The following EPHA4 variants were observed in gnomAD, a reference collection of about 807,000 sequenced individuals.
The protein encoded by EPHA4 is ephrin type-A receptor 4.
In EPHA4, 19 loss-of-function variants were observed where a neutral mutation model predicts 108.3. The observed-to-expected ratio is 0.18, with a 90% CI of 0.12 to 0.26. The LOEUF (loss-of-function observed/expected upper bound fraction) is 0.26. Ranked by LOEUF, EPHA4 falls within the 10% of genes least tolerant of loss-of-function variation. EPHA4 has a pLI of 1.00. For missense variants in EPHA4, 917 were observed against 1,254.0 expected (o/e 0.73, Z 4.06); for synonymous variants, 449 against 455.5 (o/e 0.99, Z 0.18).
intron 3 of EPHA4, among the ~76,000 whole-genome samples, chr2:221,533,852 C>T (rs16862806): frequency 0.11 from 16,222 of 151,376 alleles, 1,056 homozygotes; most frequent in East Asian, 0.15. Context: ...ACTGTCACTT[C>T]TGGATACCAT....
At chr2:221,519,073 A>G (rs891103040) in intron 3 of EPHA4, among the ~76,000 whole-genome samples, 1 of 152,230 alleles carries the variant, frequency 6.6e-6, no homozygotes, top group Non-Finnish European at 1.5e-5. Context: ...GAGCTCAGGC[A>G]GATAGGATAA....
intron 3 of EPHA4, among the ~76,000 whole-genome samples, 168 bp downstream of exon 3, chr2:221,563,563 C>T (rs540704892): frequency 6.6e-6 from 1 of 152,292 alleles, no homozygotes; most frequent in South Asian, 2.1e-4. Context: ...GTATTAGAAA[C>T]GTCTTAGCTT....
chr2:221,456,483 CAT>C (rs1414057674), intron 7 of EPHA4, 128 bp downstream of exon 7: 1 of 833,230 alleles, frequency 1.2e-6, no homozygotes, highest in East Asian at 2.7e-5. Flanking sequence ...TATTTCAAGA[CAT>C]ATTCATTGCA....
intron 3 of EPHA4, among the ~76,000 whole-genome samples, chr2:221,518,646 C>G (rs536328101): frequency 6.6e-6 from 1 of 152,186 alleles, no homozygotes; most frequent in Non-Finnish European, 1.5e-5. Flanking sequence ...CCAAGCTGTA[C>G]GAAGATCATT....
chr2:221,562,668 G>T (rs758465448), intron 3 of EPHA4, among the ~76,000 whole-genome samples: 2 of 152,198 alleles, frequency 1.3e-5, no homozygotes, highest in Non-Finnish European at 2.9e-5. Context: ...AACCATAATG[G>T]ATTGGCAGCC....
chr2:221,461,651 T>C (rs550970734), intron 5 of EPHA4, among the ~76,000 whole-genome samples: 13 of 152,232 alleles, frequency 8.5e-5, no homozygotes, highest in African/African-American at 2.9e-4. Context: ...AGAGGGGGAA[T>C]GGGTAAGCAT....
chr2:221,455,338 G>A (rs2106116592), intron 8 of EPHA4, among the ~76,000 whole-genome samples: 1 of 152,122 alleles, frequency 6.6e-6, no homozygotes, highest in South Asian at 2.1e-4. Flanking sequence ...AATTAGCTGG[G>A]TCCTTCCGGA....
At chr2:221,443,463 T>C (rs1440556666) in intron 10 of EPHA4, 30 bp downstream of exon 10, 4 of 1,505,046 alleles carry the variant, frequency 2.7e-6, no homozygotes, top group Non-Finnish European at 3.7e-6. Flanking sequence ...GAAAACAGAC[T>C]CATTAGCAGA....
At chr2:221,495,469 G>A (rs946485030) in intron 4 of EPHA4, among the ~76,000 whole-genome samples, 3 of 152,124 alleles carry the variant, frequency 2.0e-5, no homozygotes, top group South Asian at 2.1e-4. Flanking sequence ...CTCCTAATCC[G>A]CAGGTGATTT....
At chr2:221,488,315 A>G (rs1692036250) in intron 4 of EPHA4, among the ~76,000 whole-genome samples, 1 of 152,184 alleles carries the variant, frequency 6.6e-6, no homozygotes, top group Non-Finnish European at 1.5e-5. Context: ...AAGCCTATCT[A>G]AAAAGCTCAG....
chr2:221,494,765 G>T (rs1029926978), intron 4 of EPHA4, among the ~76,000 whole-genome samples: 2 of 152,196 alleles, frequency 1.3e-5, no homozygotes, highest in Middle Eastern at 3.4e-3. Flanking sequence ...GGTTGACCAC[G>T]CCCAGTCCTG....
chr2:221,526,011 A>G (rs1306959336), intron 3 of EPHA4, among the ~76,000 whole-genome samples: 2 of 152,268 alleles, frequency 1.3e-5, no homozygotes, highest in East Asian at 3.8e-4. Context: ...GAGGTTTATC[A>G]CATTTCAAAA....
chr2:221,502,657 C>A, intron 3 of EPHA4: 2 of 462,150 alleles, frequency 4.3e-6, no homozygotes, highest in Non-Finnish European at 9.0e-6. Flanking sequence ...TCCACCCACT[C>A]GCATATCCTG....
intron 11 of EPHA4, among the ~76,000 whole-genome samples, chr2:221,440,843 C>A (rs1690402154): frequency 6.6e-6 from 1 of 152,174 alleles, no homozygotes; most frequent in East Asian, 1.9e-4. Context: ...AGTCCAAGGT[C>A]ACAAGCTTTA....
At position 221,572,176 on chromosome 2, in the gene EPHA4, C is replaced by T. The variant is rs1201186843; in HGVS notation, c.73G>A (p.Val25Ile). 7 of 1,613,912 alleles carry T rather than the reference C, an allele frequency of 4.3e-6. No homozygotes were observed. In the Admixed American group the frequency reaches 1.2e-4, roughly 27 times the overall value. Residue 25 changes from valine to isoleucine, a missense_variant, in exon 1 of 18, where the codon GTA (valine) becomes ATA (isoleucine). By Grantham distance (29) the Val-to-Ile change is conservative. This residue lies in a region of EPHA4 where 758 missense variants were observed against 1,076.7 expected (regional missense o/e 0.70). Coordinates refer to ENST00000281821, the MANE Select transcript of EPHA4 (RefSeq NM_004438.5). ...GICDAVTGSR[V>I]YPANEVTLLD... Reference sequence around the variant, plus strand: ...CTCTTACCTTCATTCGCGGGGTATACCCTGGAACCTGTGACAGCGTCGCAA... The same window carrying T: ...CTCTTACCTTCATTCGCGGGGTATATCCTGGAACCTGTGACAGCGTCGCAA...
chr2:221,545,213 CGAGGTGGG>C (rs1693955637), intron 3 of EPHA4, among the ~76,000 whole-genome samples: 1 of 22,530 alleles, frequency 4.4e-5, no homozygotes, highest in Non-Finnish European at 8.7e-5. Context: ...TTTGGGAGAC[CGAGGTGGG>C]CGGATCACGA....
At chr2:221,490,081 G>A (rs1574606396) in intron 4 of EPHA4, among the ~76,000 whole-genome samples, 1 of 150,584 alleles carries the variant, frequency 6.6e-6, no homozygotes. Flanking sequence ...GGCAGGTGGA[G>A]GTTGCAATAA....
chr2:221,461,987 T>TTG (rs1336089425), intron 5 of EPHA4, among the ~76,000 whole-genome samples: 1 of 148,188 alleles, frequency 6.7e-6, no homozygotes, highest in Non-Finnish European at 1.5e-5. Context: ...AACACATTCT[T>TTG]TTTTTTTTTT....
chr2:221,517,718 T>C (rs557061849), intron 3 of EPHA4, among the ~76,000 whole-genome samples: 1 of 152,296 alleles, frequency 6.6e-6, no homozygotes, highest in East Asian at 1.9e-4. Flanking sequence ...GCTGTATCCT[T>C]CCAAATGAGT....
Sources: allele counts gnomAD v4.1 joint callset (sites outside exome capture counted in the v4.1 genomes callset), GRCh38; gene constraint gnomAD v4.1.1; regional missense constraint gnomAD v4.1.1; transcripts MANE v1.5; gene names NCBI Gene and HGNC (gene_info 2026-07-23, HGNC 2026-07-21).